The following NOS1AP variants were observed in gnomAD, a reference collection of about 807,000 sequenced individuals.
The protein encoded by NOS1AP is nitric oxide synthase 1 adaptor protein.
A neutral mutation model predicts 56.2 loss-of-function variants in NOS1AP; 21 were observed. The ratio of observed to expected loss-of-function variants is 0.37; its 90% CI spans 0.26 to 0.54. The LOEUF is 0.54. Ranked by LOEUF, NOS1AP falls within the 20% of genes least tolerant of loss-of-function variation. The probability of loss-of-function intolerance (pLI) is 0.84; values close to 1 mark genes in which losing one functional copy is unlikely to be tolerated. For synonymous variants in NOS1AP, 270 were observed against 274.6 expected (o/e 0.98, Z 0.17); for missense variants, 522 against 657.8 (o/e 0.79, Z 2.26).
chr1:162,294,121 G>A (rs1010759385), intron 3 of NOS1AP, among the ~76,000 whole-genome samples: 2 of 151,744 alleles, frequency 1.3e-5, no homozygotes, highest in Non-Finnish European at 2.9e-5. Context: ...TCAGGCTGCA[G>A]AGAGGCCTGC....
chr1:162,118,945 TCAGGGAGCC>T (rs1364926636), intron 1 of NOS1AP, among the ~76,000 whole-genome samples: 1 of 152,116 alleles, frequency 6.6e-6, no homozygotes, highest in African/African-American at 2.4e-5. Flanking sequence ...GCATATTATT[TCAGGGAGCC>T]CATAGACCTA....
intron 2 of NOS1AP, among the ~76,000 whole-genome samples, chr1:162,214,172 A>G (rs1293831476): frequency 6.6e-6 from 1 of 152,208 alleles, no homozygotes; most frequent in African/African-American, 2.4e-5. Context: ...GTGGGACCAG[A>G]GTTCCTTTTC....
intron 2 of NOS1AP, among the ~76,000 whole-genome samples, chr1:162,201,502 C>T (rs960498261): frequency 1.3e-5 from 2 of 152,056 alleles, no homozygotes; most frequent in Non-Finnish European, 2.9e-5. Context: ...ATATTTCTGT[C>T]TTTAGGTCTT....
chr1:162,306,617 T>G (rs1321809792), intron 4 of NOS1AP, among the ~76,000 whole-genome samples: 1 of 152,130 alleles, frequency 6.6e-6, no homozygotes, highest in East Asian at 1.9e-4. Context: ...TCCCTCCCAG[T>G]TTTTTGCTAA....
At chr1:162,102,974 C>T (rs895703487) in intron 1 of NOS1AP, among the ~76,000 whole-genome samples, 20 of 152,060 alleles carry the variant, frequency 1.3e-4, no homozygotes, top group African/African-American at 4.8e-4. Context: ...CTTCTGCTAG[C>T]TTTTGGGGGT....
At chr1:162,148,484 A>G (rs952467216) in intron 1 of NOS1AP, among the ~76,000 whole-genome samples, 2 of 152,220 alleles carry the variant, frequency 1.3e-5, no homozygotes, top group Non-Finnish European at 2.9e-5. Flanking sequence ...GAATGTTGGA[A>G]GATTAGGGGA....
At chr1:162,364,695 C>T in intron 8 of NOS1AP, 1 of 985,552 alleles carries the variant, frequency 1.0e-6, no homozygotes, top group South Asian at 4.7e-5. Flanking sequence ...AATGTTTGAC[C>T]CCTACCAGGT....
intron 2 of NOS1AP, among the ~76,000 whole-genome samples, chr1:162,198,140 A>G (rs1651869967): frequency 6.6e-6 from 1 of 151,948 alleles, no homozygotes; most frequent in African/African-American, 2.4e-5. Context: ...GGTGTAGGAG[A>G]GAGTGGGCTG....
intron 2 of NOS1AP, among the ~76,000 whole-genome samples, chr1:162,225,437 G>A (rs1652910683): frequency 6.6e-6 from 1 of 152,168 alleles, no homozygotes; most frequent in Non-Finnish European, 1.5e-5. Flanking sequence ...TCAGTTTCCT[G>A]CCTGTAAGAT....
At chr1:162,199,927 G>A (rs540011570) in intron 2 of NOS1AP, among the ~76,000 whole-genome samples, 1 of 152,290 alleles carries the variant, frequency 6.6e-6, no homozygotes, top group African/African-American at 2.4e-5. Flanking sequence ...GAGTCTAGAG[G>A]ACAGCTGATG....
At chr1:162,357,255 C>T in intron 8 of NOS1AP, 119 bp downstream of exon 8, 1 of 1,497,590 alleles carries the variant, frequency 6.7e-7, no homozygotes, top group Non-Finnish European at 9.0e-7. Context: ...ATCGCTCATG[C>T]TATTGGATCA....
Position 162,203,965 on chromosome 1 carries a change from C to A in NOS1AP, c.177+49489C>A, listed in dbSNP as rs370359505. On this transcript the variant is annotated intron_variant, in intron 2 of 9. Coordinates refer to ENST00000361897, the MANE Select transcript of NOS1AP (RefSeq NM_014697.3). ...TACAGATTTTTCTTAGTACCCATTGCCACCACAGGCCCCCTTCAGCCTAGG... is the reference window on the plus strand; with the variant it reads ...TACAGATTTTTCTTAGTACCCATTGACACCACAGGCCCCCTTCAGCCTAGG... Among the ~76,000 whole-genome samples the A allele has an allele frequency of 6.0e-4, 92 of 152,270 alleles. 1 individual carries two copies. Among genetic ancestry groups the A allele is most frequent in the African/African-American group, 2.2e-3 (91 of 41,546 alleles).
chr1:162,093,091 T>C (rs1692168732), intron 1 of NOS1AP, among the ~76,000 whole-genome samples: 1 of 152,182 alleles, frequency 6.6e-6, no homozygotes, highest in Admixed American at 6.5e-5. Context: ...GTAACATCCC[T>C]TAGGTAGTGA....
At chr1:162,345,307 T>TCCCCCCA (rs1193754191) in intron 6 of NOS1AP, among the ~76,000 whole-genome samples, 1 of 58,792 alleles carries the variant, frequency 1.7e-5, no homozygotes, top group Non-Finnish European at 3.1e-5. Context: ...CCCTCCCCCC[T>TCCCCCCA]CCCCCCACCC....
chr1:162,205,320 C>A (rs965566907), intron 2 of NOS1AP, among the ~76,000 whole-genome samples: 15 of 152,188 alleles, frequency 9.9e-5, no homozygotes, highest in African/African-American at 3.6e-4. Flanking sequence ...AAGATGAAAT[C>A]TTGCATTTGT....
chr1:162,195,234 T>C (rs1651767445), intron 2 of NOS1AP, among the ~76,000 whole-genome samples: 1 of 152,198 alleles, frequency 6.6e-6, no homozygotes, highest in Admixed American at 6.5e-5. Context: ...AATAATCACA[T>C]TGATAATTAT....
chr1:162,154,206 G>A (rs1353727491), intron 1 of NOS1AP, among the ~76,000 whole-genome samples, 199 bp from the exon 2 acceptor site: 1 of 151,952 alleles, frequency 6.6e-6, no homozygotes, highest in Non-Finnish European at 1.5e-5. Context: ...AGAGCAAGAT[G>A]AAAAAAGGAA....
chr1:162,181,900 G>A (rs370323333), intron 2 of NOS1AP, among the ~76,000 whole-genome samples: 2 of 152,202 alleles, frequency 1.3e-5, no homozygotes, highest in East Asian at 1.9e-4. Flanking sequence ...ATCTTTTCTG[G>A]GGATGACCTA....
chr1:162,276,353 A>G (rs1654733224), intron 2 of NOS1AP, among the ~76,000 whole-genome samples: 2 of 152,144 alleles, frequency 1.3e-5, no homozygotes, highest in African/African-American at 4.8e-5. Flanking sequence ...GATGAGATGG[A>G]ATAGAGATCA....
Sources: allele counts gnomAD v4.1 joint callset (sites outside exome capture counted in the v4.1 genomes callset), GRCh38; gene constraint gnomAD v4.1.1; transcripts MANE v1.5; gene names NCBI Gene and HGNC (gene_info 2026-07-23, HGNC 2026-07-21).